Variants in TMC1 observed in about 807,000 individuals in gnomAD.
TMC1 encodes the protein transmembrane channel like 1.
Under a neutral mutation model 105.8 loss-of-function variants are expected in TMC1, and 84 were observed. The ratio of observed to expected loss-of-function variants is 0.79; its 90% CI spans 0.67 to 0.95. The LOEUF is 0.95. Among genes scored for constraint, TMC1 ranks in the 40% least tolerant of loss-of-function variants. TMC1 has a pLI of 0.00. For synonymous variants in TMC1, 315 were observed against 311.5 expected, an observed-to-expected ratio of 1.01 and a Z score of -0.12; for missense variants, 817 against 914.1, an observed-to-expected ratio of 0.89 and a Z score of 1.37.
At chr9:72,541,777 G>T (rs963746583) in intron 1 of TMC1, among the ~76,000 whole-genome samples, 2 of 151,874 alleles carry the variant, frequency 1.3e-5, no homozygotes, top group African/African-American at 4.8e-5. Context: ...AAAATTTCCA[G>T]ATCAACGGCA....
intron 4 of TMC1, among the ~76,000 whole-genome samples, chr9:72,633,701 A>G (rs1404511178): frequency 6.6e-6 from 1 of 152,210 alleles, no homozygotes; most frequent in African/African-American, 2.4e-5. Flanking sequence ...AAAATTCTCT[A>G]CATGAACCAA....
chr9:72,586,163 T>G (rs2132102563), intron 2 of TMC1, among the ~76,000 whole-genome samples: 1 of 152,308 alleles, frequency 6.6e-6, no homozygotes, highest in South Asian at 2.1e-4. Flanking sequence ...TTACATAGAT[T>G]AGAGAGTTCT....
At chr9:72,780,955 T>C (rs1280602551) in intron 13 of TMC1, among the ~76,000 whole-genome samples, 1 of 152,110 alleles carries the variant, frequency 6.6e-6, no homozygotes, top group African/African-American at 2.4e-5. Flanking sequence ...ACTCAACACA[T>C]GACCAAATGG....
chr9:72,570,230 AGTGTGTGT>A (rs3223165), intron 1 of TMC1, among the ~76,000 whole-genome samples: 2 of 145,596 alleles, frequency 1.4e-5, no homozygotes, highest in African/African-American at 2.5e-5. Flanking sequence ...CTCAAAGAGT[AGTGTGTGT>A]GTGTGTGTGT....
chr9:72,525,918 G>A (rs898538117), intron 1 of TMC1, among the ~76,000 whole-genome samples: 18 of 151,906 alleles, frequency 1.2e-4, no homozygotes, highest in African/African-American at 3.6e-4. Context: ...AACCTGGGAG[G>A]TGGAGGTTGC....
intron 3 of TMC1, among the ~76,000 whole-genome samples, chr9:72,622,645 G>C (rs922455955): frequency 6.6e-6 from 1 of 152,070 alleles, no homozygotes; most frequent in Non-Finnish European, 1.5e-5. Flanking sequence ...AAAAGTTAAA[G>C]GCTCAACAAT....
At chr9:72,781,556 TGATA>T (rs1828092984) in intron 13 of TMC1, among the ~76,000 whole-genome samples, 1 of 151,876 alleles carries the variant, frequency 6.6e-6, no homozygotes, top group African/African-American at 2.4e-5. Context: ...TAAATAAGAT[TGATA>T]GACCACTAGC....
intron 9 of TMC1, among the ~76,000 whole-genome samples, chr9:72,742,171 T>C (rs1827399200): frequency 6.6e-6 from 1 of 152,216 alleles, no homozygotes; most frequent in Non-Finnish European, 1.5e-5. Context: ...TCTTATTGTG[T>C]TATATAATAA....
At chr9:72,759,726 TA>T (rs1827726022) in intron 12 of TMC1, among the ~76,000 whole-genome samples, 1 of 152,202 alleles carries the variant, frequency 6.6e-6, no homozygotes, top group African/African-American at 2.4e-5. Context: ...ATTTTAGAAA[TA>T]GAGGTGCTCT....
chr9:72,754,174 C>T (rs1827634655), intron 11 of TMC1, among the ~76,000 whole-genome samples: 1 of 152,116 alleles, frequency 6.6e-6, no homozygotes, highest in Non-Finnish European at 1.5e-5. Flanking sequence ...TATTCTTGCC[C>T]TCTCACTGGC....
At chr9:72,593,952 G>T (rs1326976254) in intron 2 of TMC1, among the ~76,000 whole-genome samples, 1 of 152,160 alleles carries the variant, frequency 6.6e-6, no homozygotes, top group Non-Finnish European at 1.5e-5. Flanking sequence ...ATATGGCGAT[G>T]GTAGGGGCAG....
chr9:72,528,145 T>C (rs1048778763), intron 1 of TMC1, among the ~76,000 whole-genome samples: 3 of 152,050 alleles, frequency 2.0e-5, no homozygotes, highest in Admixed American at 6.5e-5. Flanking sequence ...GGGATTACTG[T>C]TCTTATAAAA....
At chr9:72,760,227 A>G (rs1447056258) in intron 12 of TMC1, among the ~76,000 whole-genome samples, 1 of 152,162 alleles carries the variant, frequency 6.6e-6, no homozygotes, top group Non-Finnish European at 1.5e-5. Context: ...GACAATAAAA[A>G]TCGTATATTT....
chr9:72,801,677 CA>C, intron 17 of TMC1, among the ~76,000 whole-genome samples: 1 of 152,266 alleles, frequency 6.6e-6, no homozygotes, highest in South Asian at 2.1e-4. Flanking sequence ...ATCACGTGTG[CA>C]AAGTTTTTAG....
chr9:72,728,721 C>T (rs1188697651), intron 8 of TMC1, among the ~76,000 whole-genome samples: 2 of 152,068 alleles, frequency 1.3e-5, no homozygotes, highest in Non-Finnish European at 2.9e-5. Context: ...ATTGTAGCTC[C>T]TGGGGAAACC....
At chr9:72,771,066 A>G (rs1007985911) in intron 12 of TMC1, among the ~76,000 whole-genome samples, 1 of 152,196 alleles carries the variant, frequency 6.6e-6, no homozygotes, top group East Asian at 1.9e-4. Flanking sequence ...ACAATTAAAC[A>G]TCACAAGTTG....
At chr9:72,788,119 A>C (rs542232412) in intron 13 of TMC1, among the ~76,000 whole-genome samples, 2 of 152,354 alleles carry the variant, frequency 1.3e-5, no homozygotes, top group African/African-American at 4.8e-5. Context: ...AGTGCTTAGT[A>C]GTTTATTAAT....
rs982594968 is a variant in TMC1 at position 72,551,249 on chromosome 9, T to C, written c.-427-26653T>C. Among the ~76,000 whole-genome samples the C allele has an allele frequency of 4.6e-5, 7 of 152,214 alleles. No individual in the cohort carries two copies. In the South Asian group the frequency reaches 1.0e-3, roughly 22 times the overall value. ...ACTGTAAGACAATACATTAGTGTTATTGTAAACCACTACATTTTTGGTAAT... is the reference window on the plus strand; with the variant it reads ...ACTGTAAGACAATACATTAGTGTTACTGTAAACCACTACATTTTTGGTAAT... On this transcript the variant is annotated intron_variant, in intron 1 of 23. Coordinates refer to ENST00000297784, the MANE Select transcript of TMC1 (RefSeq NM_138691.3).
At chr9:72,617,663 A>C (rs1825157675) in intron 3 of TMC1, among the ~76,000 whole-genome samples, 1 of 152,132 alleles carries the variant, frequency 6.6e-6, no homozygotes, top group Non-Finnish European at 1.5e-5. Context: ...ACATGAAAAT[A>C]ATTGTATTCA....
Sources: gnomAD v4.1 joint callset for allele counts (sites outside exome capture counted in the v4.1 genomes callset) on GRCh38, gnomAD v4.1.1 for gene constraint, MANE v1.5 for transcripts, NCBI Gene and HGNC (gene_info 2026-07-23, HGNC 2026-07-21) for gene names.